Variants in DGKK observed in about 807,000 individuals in gnomAD.
The protein encoded by DGKK is diacylglycerol kinase kappa, also known as 142 kDa diacylglycerol kinase.
A neutral mutation model predicts 92.2 loss-of-function variants in DGKK; 35 were observed. That is an observed-to-expected ratio of 0.38 (90% CI 0.29 to 0.50). The LOEUF is 0.50. DGKK is among the 20% of genes least tolerant of loss of function. The pLI, the probability that DGKK is intolerant of heterozygous loss-of-function variation, is 0.92. For synonymous variants in DGKK, 368 were observed against 360.6 expected (o/e 1.02, Z -0.23); for missense variants, 910 against 992.2 (o/e 0.92, Z 1.11).
intron 4 of DGKK, among the ~76,000 whole-genome samples, chrX:50,407,961 G>A (rs781964159): frequency 8.9e-6 from 1 of 112,782 alleles, no homozygotes; most frequent in South Asian, 3.6e-4. Flanking sequence ...CTATAGGCAT[G>A]AAACACACTG....
intron 1 of DGKK, among the ~76,000 whole-genome samples, chrX:50,426,174 G>A (rs193239313): frequency 3.6e-5 from 4 of 111,412 alleles, no homozygotes; most frequent in African/African-American, 6.5e-5. Context: ...TTATTTTGTC[G>A]TATGTAATGT....
intron 19 of DGKK, 97 bp from the exon 20 acceptor site, chrX:50,379,831 T>A (rs952277348): frequency 2.4e-5 from 22 of 920,791 alleles, no homozygotes; most frequent in Non-Finnish European, 3.0e-5. Context: ...TTCTCTTCCA[T>A]TACATGGAAA....
intron 4 of DGKK, among the ~76,000 whole-genome samples, chrX:50,404,973 G>GT (rs1557227099): frequency 9.0e-6 from 1 of 111,339 alleles, no homozygotes; most frequent in African/African-American, 3.3e-5. Flanking sequence ...AATCCCTTGA[G>GT]TATTCTTTTA....
In DGKK at chrX:50,383,456, A is replaced by C. The variant is rs782027558; in HGVS notation, c.2549+712T>G. Among the ~76,000 whole-genome samples the C allele has an allele frequency of 2.5e-4, 28 of 112,159 alleles. No homozygotes were observed. In the South Asian group the frequency reaches 4.5e-3, roughly 18 times the overall value. ...AGACAGGAATAAAAATTGTTTTCTT[A>C]AATAAATTATTTAAGAAAACATAAA... On this transcript the variant is annotated intron_variant, in intron 17 of 27. Transcript: ENST00000611977.
chrX:50,394,529 C>T (rs990870928), intron 8 of DGKK, among the ~76,000 whole-genome samples: 2 of 111,583 alleles, frequency 1.8e-5, no homozygotes, highest in Admixed American at 1.9e-4. Context: ...TTACTTTCCC[C>T]GAATACATTA....
At chrX:50,386,263 T>A (rs1924540654) in intron 15 of DGKK, 95 bp downstream of exon 15, 6 of 605,284 alleles carry the variant, frequency 9.9e-6, no homozygotes, top group Non-Finnish European at 1.6e-5. Flanking sequence ...TGTAGCAGAG[T>A]CAGAGAGCAA....
chrX:50,455,733 C>A (rs1557232819), intron 1 of DGKK, among the ~76,000 whole-genome samples: 1 of 111,798 alleles, frequency 8.9e-6, no homozygotes. Flanking sequence ...AAAAATTACT[C>A]AGGATCAACC....
rs782770765 is a variant in DGKK, at chrX:50,393,322, T to G, written c.1425A>C (p.Val475=). 1 of 1,204,219 alleles carries G rather than the reference T, an allele frequency of 8.3e-7. No homozygotes were observed. The highest frequency in any genetic ancestry group is 2.2e-5 in the Admixed American group (1 of 45,267). ...AATCAAGATTCCAGAAGTCTGAAGATACTACTAATTGGCCTGACACAACGA... is the reference window on the plus strand; with the variant it reads ...AATCAAGATTCCAGAAGTCTGAAGAGACTACTAATTGGCCTGACACAACGA... ...SDPKGDGQLV[V]SSDFWNLDWS... The change falls in exon 9 of 28, where the codon GTA becomes GTC. Residue 475 remains valine, a synonymous_variant. Transcript: ENST00000611977.
At chrX:50,379,795 T>C in intron 19 of DGKK, 61 bp from the exon 20 acceptor site, 1 of 1,017,291 alleles carries the variant, frequency 9.8e-7, no homozygotes, top group Admixed American at 2.2e-5. Flanking sequence ...AAGGAACATT[T>C]ACAGAGATGG....
intron 18 of DGKK, among the ~76,000 whole-genome samples, chrX:50,381,991 CT>C (rs1221424743): frequency 9.0e-6 from 1 of 111,607 alleles, no homozygotes; most frequent in Non-Finnish European, 1.9e-5. Flanking sequence ...CTGAGACTGA[CT>C]TAGGCCTTGT....
At chrX:50,370,678 T>G in intron 26 of DGKK, 129 bp from the exon 27 acceptor site, 1 of 728,308 alleles carries the variant, frequency 1.4e-6, no homozygotes, top group South Asian at 3.1e-5. Context: ...TATCCAGGTA[T>G]GAGAAACACC....
Position 50,368,980 on chromosome X carries a change from T to A in DGKK, c.3776A>T (p.Glu1259Val). ...WHRRHREDEA[E>V]GDDPLTPSRS... Reference sequence around the variant, plus strand: ...CGATGGTGTTAGAGGATCATCACCCTCTGCTTCATCTTCACGATGTCTGCG... The same window carrying A: ...CGATGGTGTTAGAGGATCATCACCCACTGCTTCATCTTCACGATGTCTGCG... Residue 1259 changes from glutamate to valine, a missense_variant, in exon 28 of 28, where the codon GAG becomes GTG. By Grantham distance (121) the Glu-to-Val change is moderately radical. Transcript: ENST00000611977. 1 of 1,209,906 alleles carries A rather than the reference T, an allele frequency of 8.3e-7. No homozygotes were observed. Among genetic ancestry groups the A allele is most frequent in the Middle Eastern group, 2.3e-4 (1 of 4,351 alleles).
intron 1 of DGKK, among the ~76,000 whole-genome samples, chrX:50,454,263 G>A (rs4826632): frequency 9.1e-6 from 1 of 109,826 alleles, no homozygotes; most frequent in Non-Finnish European, 1.9e-5. Flanking sequence ...TTGTATACTT[G>A]GTCTTATTTC....
chrX:50,425,375 T>C (rs1925712197), intron 1 of DGKK, among the ~76,000 whole-genome samples: 1 of 110,983 alleles, frequency 9.0e-6, no homozygotes, highest in Non-Finnish European at 1.9e-5. Flanking sequence ...AATTAGAACA[T>C]CTGGTAACAT....
intron 1 of DGKK, among the ~76,000 whole-genome samples, chrX:50,432,755 C>T (rs1425724876): frequency 8.9e-6 from 1 of 112,415 alleles, no homozygotes; most frequent in Non-Finnish European, 1.9e-5. Context: ...AAAGCCTAAA[C>T]ACCTATAAGT....
chrX:50,470,537 C>G lies in DGKK; in HGVS notation c.142G>C (p.Glu48Gln), dbSNP rs782062489. 6 of 1,208,860 alleles carry G rather than the reference C, an allele frequency of 5.0e-6. No homozygotes were observed. In the African/African-American group the frequency reaches 6.9e-5, roughly 14 times the overall value. The change falls in exon 1 of 28, where the codon GAG (glutamate) becomes CAG (glutamine). Residue 48 changes from glutamate to glutamine, a missense_variant. Transcript: ENST00000611977. ...TCTGGTATGGGTTCTGGCGAAGCCT[C>G]GGAGAGCAGCGGCGGAGCCGGCGGC... is the stretch of plus-strand genomic sequence containing the variant. Reference protein sequence around the residue: ...APPPAPPLLSEASPEPIPEPC... With the variant: ...APPPAPPLLSQASPEPIPEPC...
intron 8 of DGKK, among the ~76,000 whole-genome samples, chrX:50,395,055 G>C (rs1235526128): frequency 9.0e-6 from 1 of 110,799 alleles, no homozygotes; most frequent in Non-Finnish European, 1.9e-5. Flanking sequence ...TGAGGTCAGA[G>C]AGGTGACATG....
At chrX:50,393,743 C>G (rs1029843783) in intron 8 of DGKK, among the ~76,000 whole-genome samples, 1 of 111,887 alleles carries the variant, frequency 8.9e-6, no homozygotes, top group Non-Finnish European at 1.9e-5. Flanking sequence ...AGGAGGAAGA[C>G]CAGCACACAA....
intron 1 of DGKK, among the ~76,000 whole-genome samples, chrX:50,440,110 A>G (rs1926132543): frequency 8.9e-6 from 1 of 111,853 alleles, no homozygotes; most frequent in Admixed American, 9.5e-5. Context: ...GAAGGCCCCA[A>G]AAAAGGGCTG....
Sources: gnomAD v4.1 joint callset for allele counts (sites outside exome capture counted in the v4.1 genomes callset) on GRCh38, gnomAD v4.1.1 for gene constraint, MANE v1.5 for transcripts, NCBI Gene and HGNC (gene_info 2026-07-23, HGNC 2026-07-21) for gene names.